Variants in SCN9A observed in about 807,000 individuals in gnomAD.
The protein encoded by SCN9A is sodium channel protein type 9 subunit alpha.
Under a neutral mutation model 187.0 loss-of-function variants are expected in SCN9A, and 131 were observed. That is an observed-to-expected ratio of 0.70 (90% confidence interval 0.61 to 0.81). SCN9A has a LOEUF of 0.81. SCN9A is among the 30% of genes least tolerant of loss of function. The pLI is 0.00. For missense variants in SCN9A, 2,252 were observed against 2,396.6 expected (o/e 0.94, Z 1.26); for synonymous variants, 809 against 808.6 (o/e 1.00, Z -0.01).
At chr2:166,320,346 G>A (rs1433114842) in intron 1 of SCN9A, among the ~76,000 whole-genome samples, 3 of 152,100 alleles carry the variant, frequency 2.0e-5, no homozygotes, top group Non-Finnish European at 4.4e-5. Flanking sequence ...TGCTTAAGTA[G>A]AAACTGTTCT....
intron 2 of SCN9A, among the ~76,000 whole-genome samples, chr2:166,309,882 G>C (rs1339522379): frequency 1.3e-5 from 2 of 149,166 alleles, no homozygotes; most frequent in East Asian, 3.9e-4. Context: ...CAAACAGCAT[G>C]GTACTGGTAC....
intron 26 of SCN9A, among the ~76,000 whole-genome samples, chr2:166,201,293 C>CATAT (rs1693505033): frequency 6.8e-6 from 1 of 146,834 alleles, no homozygotes; most frequent in Admixed American, 6.8e-5. Flanking sequence ...TATACATATA[C>CATAT]ATATACTAAG....
At position 166,242,595 on chromosome 2, in the gene SCN9A, C is replaced by A. The variant is rs756173034; in HGVS notation, c.3534G>T (p.Trp1178Cys). The change falls in exon 19 of 27, where the codon TGG becomes TGT. Residue 1178 changes from tryptophan to cysteine, a missense_variant. Trp to Cys is a radical substitution (Grantham distance 215). This residue lies in a region of SCN9A where 313 missense variants were observed against 295.3 expected (regional missense o/e 1.06). Coordinates refer to ENST00000642356, the MANE Select transcript of SCN9A (RefSeq NM_001365536.1). The stretch of plus-strand genomic sequence containing the variant: ...TGTAGCAGGTTTTCCTGATGTTCCA[C>A]CAGATTTTTCCTTTCCCTGACTCTA... ...VNIESGKGKI[W>C]WNIRKTCYKI... 1.9e-6 allele frequency: 3 copies of A among 1,560,164 alleles called. No homozygotes were observed. In the Admixed American group the frequency reaches 5.8e-5, roughly 30 times the overall value.
rs190611785 is a variant in SCN9A at position 166,234,330 on chromosome 2, T to C, written c.3802-868A>G. Among the ~76,000 whole-genome samples, 405 of 152,318 alleles carry C rather than the reference T, an allele frequency of 2.7e-3. 1 individual carries two copies. The highest frequency in any genetic ancestry group is 5.0e-3 in the Non-Finnish European group (343 of 68,024). On this transcript the variant is annotated intron_variant, in intron 20 of 26. Transcript: ENST00000642356. ...ATATTCATTTGCCTCACATCCTGTG[T>C]AGCAGGAGACGATGTCTAAGAAAAA...
At chr2:166,270,405 T>G (rs1198131189) in intron 17 of SCN9A, among the ~76,000 whole-genome samples, 1 of 151,834 alleles carries the variant, frequency 6.6e-6, no homozygotes, top group African/African-American at 2.4e-5. Context: ...CATCTGCAGA[T>G]TTTAGTCTCT....
At chr2:166,274,704 G>A (rs948019200) in intron 16 of SCN9A, among the ~76,000 whole-genome samples, 12 of 149,438 alleles carry the variant, frequency 8.0e-5, no homozygotes, top group African/African-American at 2.4e-4. Flanking sequence ...AATAATATGA[G>A]TTAGTTAACA....
intron 1 of SCN9A, among the ~76,000 whole-genome samples, chr2:166,353,760 A>C (rs1226838797): frequency 6.6e-6 from 1 of 152,182 alleles, no homozygotes; most frequent in Non-Finnish European, 1.5e-5. Flanking sequence ...AGCTGCCAGC[A>C]GTCCCCTAAA....
Position 166,198,880 on chromosome 2 carries a change from C to CCAT in SCN9A, c.5756_5758dup (p.Asp1919dup). ...ATTGAGTAAATCATCATCTCTGTCT[C>CCAT]CATCTTTTATGTATATACTTGATAT... On this transcript the variant is annotated inframe_insertion, in exon 27 of 27. Transcript: ENST00000642356. 1 of 1,613,690 alleles carries CCAT rather than the reference C, an allele frequency of 6.2e-7. No individual in the cohort carries two copies. Among genetic ancestry groups the CCAT allele is most frequent in the Non-Finnish European group, 8.5e-7 (1 of 1,179,662 alleles).
intron 1 of SCN9A, among the ~76,000 whole-genome samples, chr2:166,318,886 C>A (rs1337291741): frequency 1.3e-5 from 2 of 151,800 alleles, no homozygotes; most frequent in African/African-American, 4.8e-5. Context: ...TAAAAAAGTA[C>A]AAAATAAAAC....
chr2:166,313,777 A>G (rs1699037759), intron 1 of SCN9A, among the ~76,000 whole-genome samples: 1 of 152,212 alleles, frequency 6.6e-6, no homozygotes, highest in Non-Finnish European at 1.5e-5. Context: ...ACTTAGTGCA[A>G]GAGGCCTAGA....
intron 18 of SCN9A, among the ~76,000 whole-genome samples, chr2:166,251,486 C>G (rs1251924146): frequency 6.6e-6 from 1 of 151,992 alleles, no homozygotes; most frequent in Non-Finnish European, 1.5e-5. Context: ...TTCCATTGAT[C>G]TGGGAATACG....
intron 20 of SCN9A, among the ~76,000 whole-genome samples, chr2:166,237,677 C>T (rs1695379109): frequency 6.6e-6 from 1 of 152,082 alleles, no homozygotes; most frequent in African/African-American, 2.4e-5. Context: ...GCCCCTCATC[C>T]TCTCTTATCT....
chr2:166,349,965 T>G (rs973016033), intron 1 of SCN9A, among the ~76,000 whole-genome samples: 3 of 148,580 alleles, frequency 2.0e-5, no homozygotes, highest in African/African-American at 7.5e-5. Context: ...AGAGTGAAAC[T>G]CCCTCTCACA....
intron 22 of SCN9A, 147 bp from the exon 23 acceptor site, chr2:166,227,870 A>T: frequency 3.2e-6 from 2 of 617,190 alleles, no homozygotes; most frequent in Non-Finnish European, 5.8e-6. Flanking sequence ...TAATGTAAAG[A>T]TTTTTTTAAA....
intron 24 of SCN9A, among the ~76,000 whole-genome samples, chr2:166,216,876 TA>T (rs1694352418): frequency 6.6e-6 from 1 of 151,910 alleles, no homozygotes; most frequent in Non-Finnish European, 1.5e-5. Flanking sequence ...ACAGAAATAG[TA>T]AAAAATCCTA....
chr2:166,216,076 G>A (rs1694318020), intron 24 of SCN9A, among the ~76,000 whole-genome samples: 1 of 151,920 alleles, frequency 6.6e-6, no homozygotes, highest in African/African-American at 2.4e-5. Flanking sequence ...TGCAAAAATG[G>A]TTAAACATAC....
Position 166,198,866 on chromosome 2 carries a change from C to T in SCN9A, c.5773G>A (p.Asp1925Asn), listed in dbSNP as rs756943130. Residue 1925 changes from aspartate to asparagine, a missense_variant, in exon 27 of 27, where the codon GAT becomes AAT. Asp to Asn is a conservative substitution (Grantham distance 23). Around this residue, in one of 7 missense-constraint regions of SCN9A, gnomAD observed 345 missense variants for 344.6 expected, o/e 1.00. Coordinates refer to ENST00000642356, the MANE Select transcript of SCN9A (RefSeq NM_001365536.1). ...GCCATATCTTTTTTATTGAGTAAAT[C>T]ATCATCTCTGTCTCCATCTTTTATG... The part of the protein sequence containing the change: ...IYIKDGDRDD[D>N]LLNKKDMAFD... 1.2e-6 allele frequency: 2 copies of T among 1,613,780 alleles called. No individual in the cohort carries two copies. Among genetic ancestry groups the T allele is most frequent in the Admixed American group, 1.7e-5 (1 of 60,010 alleles).
rs148331226 is a variant in SCN9A at position 166,299,820 on chromosome 2, T to G, written c.901+3270A>C. Among the ~76,000 whole-genome samples the G allele has an allele frequency of 6.3e-3, 955 of 150,920 alleles. 9 individuals carry two copies. Among genetic ancestry groups the G allele is most frequent in the Non-Finnish European group, 9.6e-3 (650 of 68,008 alleles). The stretch of plus-strand genomic sequence containing the variant: ...CCTGGACATCTCAAAGGCATCTCAT[T>G]TTAATTTTAGCTAGCTAATAGTGAC... On this transcript the variant is annotated intron_variant, in intron 7 of 26. Transcript: ENST00000642356.
chr2:166,283,740 G>A (rs1182293539), intron 12 of SCN9A, among the ~76,000 whole-genome samples: 5 of 152,110 alleles, frequency 3.3e-5, no homozygotes, highest in Non-Finnish European at 4.4e-5. Flanking sequence ...TCATTTATAT[G>A]GAGGACCTAA....
Sources: gnomAD v4.1 joint callset for allele counts (sites outside exome capture counted in the v4.1 genomes callset) on GRCh38, gnomAD v4.1.1 for gene constraint, gnomAD v4.1.1 regional missense constraint, MANE v1.5 for transcripts, NCBI Gene and HGNC (gene_info 2026-07-23, HGNC 2026-07-21) for gene names.